Variants in DOCK3 observed in about 807,000 individuals in gnomAD.
DOCK3 encodes dedicator of cytokinesis 3, also known as dedicator of cytokinesis protein 3.
A neutral mutation model predicts 265.6 loss-of-function variants in DOCK3; 60 were observed. The ratio of observed to expected loss-of-function variants is 0.23; its 90% confidence interval spans 0.18 to 0.28. DOCK3 has a LOEUF of 0.28. DOCK3 is among the 10% of genes least tolerant of loss of function. DOCK3 has a pLI of 1.00. For missense variants in DOCK3, 1,981 were observed against 2,594.3 expected (o/e 0.76, Z 5.14); for synonymous variants, 881 against 938.0 (o/e 0.94, Z 1.11).
intron 5 of DOCK3, among the ~76,000 whole-genome samples, chr3:51,037,202 G>C (rs1227599338): frequency 6.6e-6 from 1 of 152,018 alleles, no homozygotes; most frequent in Non-Finnish European, 1.5e-5. Context: ...GCAAACAGCT[G>C]TGTAACAACC....
intron 1 of DOCK3, among the ~76,000 whole-genome samples, chr3:50,691,884 C>A (rs2035268755): frequency 6.6e-6 from 1 of 150,730 alleles, no homozygotes; most frequent in African/African-American, 2.4e-5. Context: ...CTGTTCGAAT[C>A]CTTTGCCCAT....
chr3:50,961,605 T>C (rs1328318723), intron 5 of DOCK3, among the ~76,000 whole-genome samples: 2 of 152,220 alleles, frequency 1.3e-5, no homozygotes, highest in Non-Finnish European at 2.9e-5. Context: ...TAGATCATTA[T>C]ATGTGTAGCT....
At chr3:51,121,578 A>G (rs2084019685) in intron 9 of DOCK3, among the ~76,000 whole-genome samples, 1 of 152,154 alleles carries the variant, frequency 6.6e-6, no homozygotes, top group Non-Finnish European at 1.5e-5. Context: ...GGATAGAAAT[A>G]CCTGCAATCA....
chr3:51,063,269 T>A (rs1260006901), intron 5 of DOCK3, among the ~76,000 whole-genome samples: 1 of 152,052 alleles, frequency 6.6e-6, no homozygotes, highest in Non-Finnish European at 1.5e-5. Flanking sequence ...GAGGCTGAGT[T>A]GAGGGGATTG....
At chr3:51,163,113 G>A (rs990705817) in intron 12 of DOCK3, among the ~76,000 whole-genome samples, 152 of 152,320 alleles carry the variant, frequency 1.0e-3, no homozygotes, top group African/African-American at 3.5e-3. Flanking sequence ...ATTTTTGTTG[G>A]TTAGATTGAA....
intron 4 of DOCK3, among the ~76,000 whole-genome samples, chr3:50,900,203 T>A: frequency 6.6e-6 from 1 of 152,222 alleles, no homozygotes; most frequent in South Asian, 2.1e-4. Flanking sequence ...TTATCTTGTC[T>A]TCTCGCTTTA....
intron 19 of DOCK3, among the ~76,000 whole-genome samples, chr3:51,235,511 T>C (rs1025191629): frequency 6.6e-6 from 1 of 152,212 alleles, no homozygotes; most frequent in Non-Finnish European, 1.5e-5. Context: ...TGCAGAAGTA[T>C]ACAGAATAGT....
intron 2 of DOCK3, among the ~76,000 whole-genome samples, chr3:50,831,555 G>A (rs2045174439): frequency 6.6e-6 from 1 of 152,140 alleles, no homozygotes; most frequent in African/African-American, 2.4e-5. Context: ...CAAAGGGTGT[G>A]AACTCATCCT....
At chr3:51,150,510 G>T (rs982635492) in intron 10 of DOCK3, among the ~76,000 whole-genome samples, 3 of 152,186 alleles carry the variant, frequency 2.0e-5, no homozygotes, top group African/African-American at 7.2e-5. Context: ...TGCTTTGAAT[G>T]TGTCCCAGAG....
At chr3:50,952,613 C>T (rs1201563925) in intron 5 of DOCK3, among the ~76,000 whole-genome samples, 1 of 152,120 alleles carries the variant, frequency 6.6e-6, no homozygotes, top group East Asian at 1.9e-4. Context: ...CTTCATCCTC[C>T]CTTGTCACAA....
chr3:51,023,252 T>C (rs2079672085), intron 5 of DOCK3, among the ~76,000 whole-genome samples: 1 of 152,176 alleles, frequency 6.6e-6, no homozygotes, highest in African/African-American at 2.4e-5. Flanking sequence ...TTCCTTTTTT[T>C]TTTTCTTTAT....
chr3:51,108,095 G>A (rs555134833), intron 9 of DOCK3, among the ~76,000 whole-genome samples: 1 of 151,376 alleles, frequency 6.6e-6, no homozygotes, highest in African/African-American at 2.4e-5. Context: ...CTGGAGTGCA[G>A]TGTCATGATC....
chr3:51,152,715 C>T (rs969520267), intron 10 of DOCK3, among the ~76,000 whole-genome samples: 1 of 152,310 alleles, frequency 6.6e-6, no homozygotes, highest in East Asian at 1.9e-4. Flanking sequence ...TGATGCTATT[C>T]CCTTCTGTTT....
At chr3:50,992,733 A>G (rs1402113137) in intron 5 of DOCK3, among the ~76,000 whole-genome samples, 3 of 152,218 alleles carry the variant, frequency 2.0e-5, no homozygotes, top group African/African-American at 7.2e-5. Flanking sequence ...AAATAGAAAC[A>G]ACCATTAAAA....
At chr3:50,741,469 C>T (rs1172232321) in intron 1 of DOCK3, among the ~76,000 whole-genome samples, 2 of 142,314 alleles carry the variant, frequency 1.4e-5, no homozygotes, top group Non-Finnish European at 3.0e-5. Flanking sequence ...GTTCCCCTCC[C>T]TGTGTCCATG....
intron 12 of DOCK3, among the ~76,000 whole-genome samples, chr3:51,164,667 A>G (rs1254913516): frequency 2.0e-5 from 3 of 151,724 alleles, no homozygotes; most frequent in Non-Finnish European, 4.4e-5. Flanking sequence ...AATGCCCCAT[A>G]TCATGAAAGG....
chr3:51,318,552 C>G (rs966922359), intron 32 of DOCK3, among the ~76,000 whole-genome samples: 1 of 152,056 alleles, frequency 6.6e-6, no homozygotes, highest in African/African-American at 2.4e-5. Context: ...TGGTGCTCTT[C>G]TAAATAATTC....
intron 5 of DOCK3, among the ~76,000 whole-genome samples, chr3:50,946,094 TA>T (rs35670695): frequency 0.11 from 10,398 of 91,616 alleles, 840 homozygotes; most frequent in East Asian, 0.28. Flanking sequence ...CCCCATCTCT[TA>T]AAAAAAAAAA....
intron 1 of DOCK3, among the ~76,000 whole-genome samples, chr3:50,714,935 T>C (rs2037005329): frequency 6.6e-6 from 1 of 152,262 alleles, no homozygotes; most frequent in Non-Finnish European, 1.5e-5. Context: ...CAAGGAGGCC[T>C]TCCTTGACCC....
Sources: gnomAD v4.1 joint callset for allele counts (sites outside exome capture counted in the v4.1 genomes callset) on GRCh38, gnomAD v4.1.1 for gene constraint, MANE v1.5 for transcripts, NCBI Gene and HGNC (gene_info 2026-07-23, HGNC 2026-07-21) for gene names.